Variants in PLXDC2 observed in about 807,000 individuals in gnomAD.
The protein encoded by PLXDC2 is plexin domain containing 2.
Under a neutral mutation model 68.9 loss-of-function variants are expected in PLXDC2, and 40 were observed. That is an observed-to-expected ratio of 0.58 (90% CI 0.45 to 0.76). The LOEUF is 0.76. PLXDC2 is among the 30% of genes least tolerant of loss of function. The pLI is 0.00. For synonymous variants in PLXDC2, 243 were observed against 234.2 expected (o/e 1.04, Z -0.34); for missense variants, 644 against 661.9 (o/e 0.97, Z 0.30).
intron 2 of PLXDC2, among the ~76,000 whole-genome samples, chr10:20,003,149 T>G (rs1834970318): frequency 6.6e-6 from 1 of 152,186 alleles, no homozygotes; most frequent in South Asian, 2.1e-4. Context: ...TCCTTAGCAC[T>G]GCAAATCACA....
chr10:20,245,532 A>G, intron 13 of PLXDC2, 27 bp downstream of exon 13: 1 of 1,595,472 alleles, frequency 6.3e-7, no homozygotes, highest in South Asian at 1.1e-5. Context: ...ACACATGAAA[A>G]CCACGCCAGT....
At position 20,280,951 on chromosome 10, in the gene PLXDC2, G is replaced by T. The variant is rs1836074784; in HGVS notation, c.*1132G>T. On this transcript the variant is annotated 3_prime_UTR_variant, in exon 14 of 14. Transcript: ENST00000377252. ...TATTTTTGTTTATAACTAACACAAGGCAGGATCTTGTGACTCTAAGAGTGC... is the reference window on the plus strand; with the variant it reads ...TATTTTTGTTTATAACTAACACAAGTCAGGATCTTGTGACTCTAAGAGTGC... 1 of 151,806 alleles carries T rather than the reference G, an allele frequency of 6.6e-6. No individual in the cohort carries two copies. The highest frequency in any genetic ancestry group is 1.5e-5 in the Non-Finnish European group (1 of 67,970). The allele number at this position is 151,806 out of a possible 1,614,324, so 9.4% of individuals were successfully genotyped here.
intron 1 of PLXDC2, among the ~76,000 whole-genome samples, chr10:19,998,212 G>A (rs1409676857): frequency 2.0e-5 from 3 of 152,118 alleles, no homozygotes; most frequent in Non-Finnish European, 2.9e-5. Context: ...ATTTGTTTTG[G>A]TGCTGATTTA....
rs375442579 is a variant in PLXDC2 at position 19,897,064 on chromosome 10, G to A, written c.112+79873G>A. ...TGTCACCTAGAACAGTTTCTTGCAC[G>A]TAAGTTTCTGCCCTCAGGAGTTTTA... On this transcript the variant is annotated intron_variant, in intron 1 of 13. Coordinates refer to ENST00000377252, the MANE Select transcript of PLXDC2 (RefSeq NM_032812.9). Among the ~76,000 whole-genome samples the A allele has an allele frequency of 8.5e-5, 13 of 152,170 alleles. 1 individual carries two copies. The South Asian group carries it at 1.2e-3, about 15-fold the overall frequency.
chr10:19,912,168 G>A (rs899325160), intron 1 of PLXDC2, among the ~76,000 whole-genome samples: 1 of 152,180 alleles, frequency 6.6e-6, no homozygotes, highest in Non-Finnish European at 1.5e-5. Flanking sequence ...AGTGTACAGA[G>A]CTATTAGAGC....
chr10:19,944,264 G>A (rs1341495820), intron 1 of PLXDC2, among the ~76,000 whole-genome samples: 3 of 151,968 alleles, frequency 2.0e-5, no homozygotes, highest in Non-Finnish European at 4.4e-5. Context: ...TGCAAATAAG[G>A]TGCAGATTAA....
At chr10:19,934,539 G>A (rs745406616) in intron 1 of PLXDC2, among the ~76,000 whole-genome samples, 5 of 152,150 alleles carry the variant, frequency 3.3e-5, no homozygotes, top group Non-Finnish European at 7.4e-5. Flanking sequence ...CACCTTGATG[G>A]CAAGCAATGG....
intron 2 of PLXDC2, among the ~76,000 whole-genome samples, chr10:20,037,200 G>A (rs2131672884): frequency 6.6e-6 from 1 of 152,220 alleles, no homozygotes; most frequent in South Asian, 2.1e-4. Flanking sequence ...TTATTGTAAT[G>A]TTAATTTTAT....
chr10:19,997,452 G>A (rs946983076), intron 1 of PLXDC2, among the ~76,000 whole-genome samples: 1 of 152,166 alleles, frequency 6.6e-6, no homozygotes, highest in African/African-American at 2.4e-5. Context: ...TTTGTCATAA[G>A]GTGCAGTAGA....
chr10:19,994,157 G>C (rs1834799293), intron 1 of PLXDC2, among the ~76,000 whole-genome samples: 1 of 151,312 alleles, frequency 6.6e-6, no homozygotes, highest in East Asian at 1.9e-4. Flanking sequence ...GCAATCATAA[G>C]TGTAGCTAAA....
At chr10:20,063,552 G>A (rs892654157) in intron 3 of PLXDC2, among the ~76,000 whole-genome samples, 1 of 151,920 alleles carries the variant, frequency 6.6e-6, no homozygotes, top group Non-Finnish European at 1.5e-5. Flanking sequence ...AGTCAAATGG[G>A]AATTGGGTAT....
intron 7 of PLXDC2, among the ~76,000 whole-genome samples, chr10:20,172,992 C>T (rs1161607216): frequency 6.6e-6 from 1 of 152,176 alleles, no homozygotes; most frequent in African/African-American, 2.4e-5. Flanking sequence ...TTATTTGTAG[C>T]TACTTTATTT....
intron 1 of PLXDC2, among the ~76,000 whole-genome samples, chr10:19,911,088 C>T (rs938891124): frequency 1.3e-5 from 2 of 151,762 alleles, no homozygotes; most frequent in Admixed American, 6.6e-5. Context: ...TGGACCTTCT[C>T]GGGGGTGTGA....
intron 3 of PLXDC2, among the ~76,000 whole-genome samples, chr10:20,057,956 T>A (rs1457598134): frequency 1.3e-5 from 2 of 152,244 alleles, no homozygotes; most frequent in East Asian, 3.9e-4. Flanking sequence ...CTTTGTGTTA[T>A]TTTTTGTAAC....
At chr10:20,245,322 T>C in intron 12 of PLXDC2, 23 bp from the exon 13 acceptor site, 2 of 1,595,454 alleles carry the variant, frequency 1.3e-6, no homozygotes, top group Non-Finnish European at 1.7e-6. Flanking sequence ...ATGAAGGTCC[T>C]GACAGCTGGG....
intron 1 of PLXDC2, among the ~76,000 whole-genome samples, chr10:19,930,797 TACTA>T (rs1698032822): frequency 2.6e-5 from 4 of 152,096 alleles, no homozygotes; most frequent in Admixed American, 2.6e-4. Flanking sequence ...ATCCCATCTC[TACTA>T]AAACTACAAA....
chr10:20,198,702 G>A (rs1834875346), intron 9 of PLXDC2, among the ~76,000 whole-genome samples: 1 of 152,046 alleles, frequency 6.6e-6, no homozygotes, highest in Non-Finnish European at 1.5e-5. Flanking sequence ...GTTATTATGA[G>A]TGTCAACATT....
intron 9 of PLXDC2, among the ~76,000 whole-genome samples, chr10:20,209,873 A>C (rs1162119446): frequency 2.0e-5 from 3 of 152,190 alleles, no homozygotes; most frequent in African/African-American, 7.2e-5. Flanking sequence ...AGTGTCCATG[A>C]AATCTTCACA....
chr10:19,868,277 C>G (rs1837459984), intron 1 of PLXDC2, among the ~76,000 whole-genome samples: 1 of 152,088 alleles, frequency 6.6e-6, no homozygotes, highest in African/African-American at 2.4e-5. Flanking sequence ...CTCCCACCCG[C>G]CACCCTCAAT....
Sources: gnomAD v4.1 joint callset for allele counts (sites outside exome capture counted in the v4.1 genomes callset) on GRCh38, gnomAD v4.1.1 for gene constraint, MANE v1.5 for transcripts, NCBI Gene and HGNC (gene_info 2026-07-23, HGNC 2026-07-21) for gene names.